The following FGD4 variants were observed in gnomAD, a reference collection of about 807,000 sequenced individuals.
FGD4 encodes the protein FYVE, RhoGEF and PH domain containing 4.
In FGD4, 42 loss-of-function variants were observed where a neutral mutation model predicts 102.0. That is an observed-to-expected ratio of 0.41 (90% confidence interval 0.32 to 0.53). The LOEUF (loss-of-function observed/expected upper bound fraction) is 0.53, where lower values mean the gene tolerates loss of function less well. Among genes scored for constraint, FGD4 ranks in the 20% least tolerant of loss-of-function variants. FGD4 has a pLI of 0.21. For synonymous variants in FGD4, 380 were observed against 375.7 expected, an observed-to-expected ratio of 1.01 and a Z score of -0.13; for missense variants, 902 against 1,078.2, an observed-to-expected ratio of 0.84 and a Z score of 2.29.
intron 1 of FGD4, among the ~76,000 whole-genome samples, chr12:32,553,033 A>T (rs1943827791): frequency 6.8e-6 from 1 of 146,414 alleles, no homozygotes; most frequent in Non-Finnish European, 1.5e-5. Context: ...ACCTCAGGTG[A>T]TCCACCCGCC....
chr12:32,451,762 G>T (rs1240889366), intron 1 of FGD4, among the ~76,000 whole-genome samples: 1 of 134,780 alleles, frequency 7.4e-6, no homozygotes, highest in Non-Finnish European at 1.5e-5. Context: ...CAAAAAATTA[G>T]CCGGGTATAG....
chr12:32,609,789 G>A (rs1395876946), intron 8 of FGD4, among the ~76,000 whole-genome samples: 1 of 152,188 alleles, frequency 6.6e-6, no homozygotes, highest in African/African-American at 2.4e-5. Context: ...AAGTCTCAGG[G>A]TTGTTGTGGT....
intron 1 of FGD4, among the ~76,000 whole-genome samples, chr12:32,537,050 A>G (rs2136103205): frequency 6.6e-6 from 1 of 151,952 alleles, no homozygotes; most frequent in South Asian, 2.1e-4. Context: ...CTGGGACTAC[A>G]GGCACCCGCC....
At chr12:32,550,685 A>AG (rs1195039791) in intron 1 of FGD4, among the ~76,000 whole-genome samples, 1 of 150,940 alleles carries the variant, frequency 6.6e-6, no homozygotes, top group East Asian at 1.9e-4. Flanking sequence ...AAAAAAAAAA[A>AG]AAAAAAGAAA....
At chr12:32,611,100 C>G in intron 9 of FGD4, 37 bp from the exon 10 acceptor site, 2 of 1,613,600 alleles carry the variant, frequency 1.2e-6, no homozygotes, top group Non-Finnish European at 8.5e-7. Flanking sequence ...TAGGTTGAAA[C>G]CTGCCTGTAT....
intron 1 of FGD4, 69 bp downstream of exon 1, chr12:32,400,028 G>A: frequency 2.9e-6 from 4 of 1,402,152 alleles, no homozygotes; most frequent in Middle Eastern, 2.6e-4. Context: ...CGCTCCCAGC[G>A]CCCTGCAGGT....
intron 1 of FGD4, among the ~76,000 whole-genome samples, chr12:32,525,740 G>A (rs923154255): frequency 6.6e-6 from 1 of 152,232 alleles, no homozygotes; most frequent in Admixed American, 6.5e-5. Flanking sequence ...CCAGGTGGGC[G>A]TGGGCTTGGT....
chr12:32,472,610 G>A (rs943220847), intron 1 of FGD4, among the ~76,000 whole-genome samples: 11 of 152,198 alleles, frequency 7.2e-5, no homozygotes, highest in East Asian at 1.9e-4. Flanking sequence ...CAAGCCTCCC[G>A]GACGAGCACC....
At chr12:32,446,943 C>T (rs1942633097) in intron 1 of FGD4, among the ~76,000 whole-genome samples, 1 of 152,168 alleles carries the variant, frequency 6.6e-6, no homozygotes, top group African/African-American at 2.4e-5. Flanking sequence ...AAGCACAGTC[C>T]AGTTATTGTG....
At chr12:32,638,865 C>T (rs1220114668) in intron 16 of FGD4, 70 bp downstream of exon 16, 9 of 1,607,602 alleles carry the variant, frequency 5.6e-6, no homozygotes, top group Non-Finnish European at 6.8e-6. Flanking sequence ...GGACAGCGGA[C>T]TCAAAATCTG....
intron 1 of FGD4, among the ~76,000 whole-genome samples, chr12:32,525,694 G>C (rs995018296): frequency 2.0e-5 from 3 of 152,208 alleles, no homozygotes; most frequent in Non-Finnish European, 1.5e-5. Context: ...AGCGGGAACC[G>C]GGGCTGCGTG....
chr12:32,447,549 A>G (rs1046909639), intron 1 of FGD4, among the ~76,000 whole-genome samples: 1 of 152,200 alleles, frequency 6.6e-6, no homozygotes, highest in African/African-American at 2.4e-5. Flanking sequence ...TTACAGTATC[A>G]TGTTGTATTA....
In FGD4 at chr12:32,506,253, T is replaced by C. The variant is rs1205148131; in HGVS notation, c.167-57884T>C. Among the ~76,000 whole-genome samples, 1 of 152,236 alleles carries C rather than the reference T, an allele frequency of 6.6e-6. No individual in the cohort carries two copies. The highest frequency in any genetic ancestry group is 1.5e-5 in the Non-Finnish European group (1 of 68,042). On this transcript the variant is annotated intron_variant, in intron 1 of 16. Transcript: ENST00000534526. The surrounding 1 kb of genome is among the most constrained non-coding windows in gnomAD (Gnocchi z 4.5). ...CTAGGTGGAATACACCTTTGAAAGA[T>C]GATTTTCTCCATAATCAAAGTCATA...
chr12:32,521,406 A>AT, intron 1 of FGD4, among the ~76,000 whole-genome samples: 1 of 151,506 alleles, frequency 6.6e-6, no homozygotes, highest in Middle Eastern at 3.4e-3. Context: ...TTGCATGAAT[A>AT]TTTAATTACG....
chr12:32,417,804 CTT>C (rs1227746859), intron 1 of FGD4, among the ~76,000 whole-genome samples: 1 of 151,956 alleles, frequency 6.6e-6, no homozygotes, highest in Non-Finnish European at 1.5e-5. Context: ...ATTTCAGTCT[CTT>C]TGTTACATTT....
At chr12:32,524,542 A>C (rs1352821238) in intron 1 of FGD4, among the ~76,000 whole-genome samples, 1 of 150,768 alleles carries the variant, frequency 6.6e-6, no homozygotes, top group Non-Finnish European at 1.5e-5. Flanking sequence ...AAAAACAGAA[A>C]AAAATATGTG....
At chr12:32,521,050 C>T (rs1012255066) in intron 1 of FGD4, among the ~76,000 whole-genome samples, 8 of 152,008 alleles carry the variant, frequency 5.3e-5, no homozygotes, top group African/African-American at 7.3e-5. Flanking sequence ...TGCATGGGAG[C>T]CATAATAATG....
In FGD4 at chr12:32,601,295, G is replaced by A. The variant is rs536547508; in HGVS notation, c.1119G>A (p.Leu373=). Residue 373 remains leucine, a synonymous_variant, in exon 6 of 17, where the codon CTG becomes CTA. Transcript: ENST00000534526. The part of the protein sequence containing the change: ...DLLDQVFYCK[L]LEEANRGSFP... ...TTATTCAGGTATTTTATTGCAAACT[G>A]TTGGAAGAAGCAAACCGAGGCTCGT... is the stretch of plus-strand genomic sequence containing the variant. 10 of 1,614,098 alleles carry A rather than the reference G, an allele frequency of 6.2e-6. No individual in the cohort carries two copies. The African/African-American group carries it at 1.3e-4, about 22-fold the overall frequency.
At chr12:32,618,589 C>T (rs1179891188) in intron 10 of FGD4, among the ~76,000 whole-genome samples, 2 of 152,034 alleles carry the variant, frequency 1.3e-5, no homozygotes, top group South Asian at 2.1e-4. Context: ...CCCAGCACTT[C>T]GGGAGGCTGA....
Sources: gnomAD v4.1 joint callset for allele counts (sites outside exome capture counted in the v4.1 genomes callset) on GRCh38, gnomAD v4.1.1 for gene constraint, Gnocchi (gnomAD v3.1) non-coding constraint, MANE v1.5 for transcripts, NCBI Gene and HGNC (gene_info 2026-07-23, HGNC 2026-07-21) for gene names.